POU6F2: variants seen among roughly 807,000 people sequenced by gnomAD.
POU6F2 encodes the protein POU class 6 homeobox 2.
POU6F2 carries 31 observed loss-of-function variants against 71.3 expected under a neutral mutation model. That is an observed-to-expected ratio of 0.43 (90% CI 0.33 to 0.59). The LOEUF is 0.59. POU6F2 is among the 20% of genes least tolerant of loss of function. The pLI, the probability that POU6F2 is intolerant of heterozygous loss-of-function variation, is 0.04. For synonymous variants in POU6F2, 347 were observed against 355.7 expected, an observed-to-expected ratio of 0.98 and a Z score of 0.27; for missense variants, 783 against 856.8, an observed-to-expected ratio of 0.91 and a Z score of 1.07.
intron 2 of POU6F2, among the ~76,000 whole-genome samples, chr7:39,155,218 A>C (rs1792844814): frequency 7.1e-6 from 1 of 140,256 alleles, no homozygotes. Context: ...ATAATTCCAA[A>C]CAAATATTTC....
chr7:39,073,753 G>A (rs1425960344), intron 1 of POU6F2, among the ~76,000 whole-genome samples: 3 of 152,230 alleles, frequency 2.0e-5, no homozygotes, highest in African/African-American at 7.2e-5. Flanking sequence ...AGCAACGCTG[G>A]AGCAACCAAG....
At chr7:39,248,559 C>T (rs1783860137) in intron 4 of POU6F2, among the ~76,000 whole-genome samples, 1 of 152,110 alleles carries the variant, frequency 6.6e-6, no homozygotes, top group African/African-American at 2.4e-5. Flanking sequence ...TCTTAATCCC[C>T]AAAGGATCTT....
chr7:39,093,031 T>C (rs1043471649), intron 2 of POU6F2, among the ~76,000 whole-genome samples: 4 of 152,292 alleles, frequency 2.6e-5, no homozygotes, highest in East Asian at 1.9e-4. Flanking sequence ...AATGTCTATA[T>C]TTTATTTGAG....
At chr7:39,438,815 G>A (rs1003866938) in intron 7 of POU6F2, among the ~76,000 whole-genome samples, 14 of 152,372 alleles carry the variant, frequency 9.2e-5, no homozygotes, top group African/African-American at 3.4e-4. Flanking sequence ...ATGTGGCACT[G>A]AGAAGAATGT....
chr7:39,086,283 G>C lies in POU6F2; in HGVS notation c.277+252G>C, dbSNP rs563902103. ...CAAATATTGCTAGAGTCCCCAGGCT[G>C]GAAATTGTTTGGAAAAAAATAGAAA... On this transcript the variant is annotated intron_variant, in intron 2 of 9. Transcript: ENST00000518318. Among the ~76,000 whole-genome samples, 46 of 152,194 alleles carry C rather than the reference G, an allele frequency of 3.0e-4. No homozygotes were observed. In the Middle Eastern group the frequency reaches 0.01, roughly 34 times the overall value.
chr7:39,014,286 G>C (rs1789413298), intron 1 of POU6F2, among the ~76,000 whole-genome samples: 1 of 152,166 alleles, frequency 6.6e-6, no homozygotes, highest in Non-Finnish European at 1.5e-5. Flanking sequence ...TCCCACAGGA[G>C]ATTGTTTCAG....
At chr7:39,443,141 A>G (rs1788443261) in intron 7 of POU6F2, among the ~76,000 whole-genome samples, 1 of 152,176 alleles carries the variant, frequency 6.6e-6, no homozygotes, top group Non-Finnish European at 1.5e-5. Flanking sequence ...TACTGCAGCA[A>G]CATATGGTCA....
chr7:39,303,165 G>GT (rs1212461186), intron 4 of POU6F2, among the ~76,000 whole-genome samples: 83 of 151,174 alleles, frequency 5.5e-4, no homozygotes, highest in African/African-American at 1.3e-3. Context: ...TGTTTTTTTG[G>GT]TTTTTTTTTG....
chr7:39,128,111 G>A (rs1190733625), intron 2 of POU6F2, among the ~76,000 whole-genome samples: 1 of 152,012 alleles, frequency 6.6e-6, no homozygotes, highest in African/African-American at 2.4e-5. Flanking sequence ...AAAGTGCTAG[G>A]ATTACAGGTG....
intron 1 of POU6F2, among the ~76,000 whole-genome samples, chr7:38,990,615 C>T (rs537896578): frequency 2.0e-5 from 3 of 152,262 alleles, no homozygotes; most frequent in Admixed American, 2.0e-4. Context: ...TGCTTTGGAA[C>T]ATCAGAAGGG....
At chr7:39,443,224 G>T (rs1157250676) in intron 7 of POU6F2, among the ~76,000 whole-genome samples, 1 of 152,158 alleles carries the variant, frequency 6.6e-6, no homozygotes, top group Non-Finnish European at 1.5e-5. Context: ...GGAAAAAAAA[G>T]CCAGCTTCTT....
chr7:39,053,653 A>AT (rs957125674), intron 1 of POU6F2, among the ~76,000 whole-genome samples: 9 of 151,770 alleles, frequency 5.9e-5, no homozygotes, highest in African/African-American at 1.9e-4. Context: ...ATAATTGCCC[A>AT]TTTTTTTTCT....
At chr7:39,287,587 C>T (rs1784673638) in intron 4 of POU6F2, among the ~76,000 whole-genome samples, 1 of 152,090 alleles carries the variant, frequency 6.6e-6, no homozygotes, top group South Asian at 2.1e-4. Flanking sequence ...CTATTCAGGG[C>T]CTATTCCCTC....
At chr7:39,130,702 A>G (rs1297813857) in intron 2 of POU6F2, among the ~76,000 whole-genome samples, 2 of 152,222 alleles carry the variant, frequency 1.3e-5, no homozygotes, top group Non-Finnish European at 2.9e-5. Context: ...AACAGGAGGA[A>G]AATAATTTGT....
intron 7 of POU6F2, among the ~76,000 whole-genome samples, chr7:39,441,426 A>G (rs951544319): frequency 5.9e-5 from 9 of 152,132 alleles, no homozygotes; most frequent in African/African-American, 1.9e-4. Context: ...TTGAGACACC[A>G]GAGAAAGCAA....
chr7:39,263,147 T>C (rs1427830846), intron 4 of POU6F2, among the ~76,000 whole-genome samples: 2 of 152,190 alleles, frequency 1.3e-5, no homozygotes, highest in Non-Finnish European at 2.9e-5. Flanking sequence ...AATTCAAAAA[T>C]GTAAAAAAGT....
intron 6 of POU6F2, among the ~76,000 whole-genome samples, chr7:39,422,778 C>G (rs1326917201): frequency 6.6e-6 from 1 of 152,158 alleles, no homozygotes; most frequent in Non-Finnish European, 1.5e-5. Flanking sequence ...CGACTTCCCA[C>G]CTACACCCCA....
At chr7:39,028,814 T>C (rs778606949) in intron 1 of POU6F2, among the ~76,000 whole-genome samples, 7 of 152,198 alleles carry the variant, frequency 4.6e-5, no homozygotes, top group Non-Finnish European at 1.0e-4. Context: ...TAAATTTTTT[T>C]CTTTTTTTTG....
At chr7:39,019,884 G>A (rs145411925) in intron 1 of POU6F2, among the ~76,000 whole-genome samples, 30 of 152,092 alleles carry the variant, frequency 2.0e-4, no homozygotes, top group African/African-American at 6.5e-4. Flanking sequence ...GTTTTCTCCA[G>A]CATCAGAGAA....
Sources: gnomAD v4.1 joint callset for allele counts (sites outside exome capture counted in the v4.1 genomes callset) on GRCh38, gnomAD v4.1.1 for gene constraint, MANE v1.5 for transcripts, NCBI Gene and HGNC (gene_info 2026-07-23, HGNC 2026-07-21) for gene names.